Variants in NAALADL2 observed in about 807,000 individuals in gnomAD.
The protein encoded by NAALADL2 is inactive N-acetylated-alpha-linked acidic dipeptidase-like protein 2.
Under a neutral mutation model 87.2 loss-of-function variants are expected in NAALADL2, and 76 were observed. The observed-to-expected ratio is 0.87, with a 90% CI of 0.72 to 1.05. The LOEUF is 1.05. Among genes scored for constraint, NAALADL2 ranks in the 50% least tolerant of loss-of-function variants. The pLI is 0.00. For synonymous variants in NAALADL2, 354 were observed against 331.0 expected (o/e 1.07, Z -0.75); for missense variants, 1,089 against 945.8 (o/e 1.15, Z -1.99).
Position 175,667,246 on chromosome 3 carries a change from AAAGAAAGAAAGAAAGAAAGG to A in NAALADL2, c.1896+39864_1896+39883del, listed in dbSNP as rs1560943781. ...AAGAAAGAAAGAAAGAAAGAAAAAG[AAAGAAAGAAAGAAAGAAAGG>A]AAGGAAGGGATGGGGATCTGAAGGG... On this transcript the variant is annotated intron_variant, in intron 11 of 13. Coordinates refer to ENST00000454872, the MANE Select transcript of NAALADL2 (RefSeq NM_207015.3). Among the ~76,000 whole-genome samples, 80 of 142,164 alleles carry A rather than the reference AAAGAAAGAAAGAAAGAAAGG, an allele frequency of 5.6e-4. 1 individual carries two copies. The highest frequency in any genetic ancestry group is 2.1e-3 in the African/African-American group (75 of 35,722). The allele number at this position is 142,164 out of a possible 152,430, so 93.3% of individuals were successfully genotyped here. A position where few individuals can be genotyped will look rare whatever the true frequency, so the allele number is the denominator to read the frequency against.
chr3:175,192,171 A>T (rs905282255), intron 2 of NAALADL2, among the ~76,000 whole-genome samples: 5 of 152,084 alleles, frequency 3.3e-5, no homozygotes, highest in Admixed American at 6.5e-5. Context: ...TTGTTGCAAG[A>T]TGTACTTCAT....
At chr3:175,184,634 G>A (rs998008518) in intron 2 of NAALADL2, among the ~76,000 whole-genome samples, 2 of 151,900 alleles carry the variant, frequency 1.3e-5, no homozygotes, top group Non-Finnish European at 2.9e-5. Context: ...CCTCTTTGTA[G>A]TGCTTTATAG....
Position 174,786,344 on chromosome 3 carries a change from G to C in NAALADL2, c.-9+48598G>C, listed in dbSNP as rs191477938. ...CATGCGCTTGTAGTCCCCGATACTC[G>C]GGAGGCTGAGGTAGGAGATGTGCTT... On this transcript the variant is annotated intron_variant, in intron 3 of 3. Transcript: ENST00000434257. Among the ~76,000 whole-genome samples, 112 of 151,554 alleles carry C rather than the reference G, an allele frequency of 7.4e-4. No homozygotes were observed. In the South Asian group the frequency reaches 7.7e-3, roughly 10 times the overall value.
rs114321073 is a variant in NAALADL2, at chr3:174,528,648, G to A, written c.-183-21921G>A. Among the ~76,000 whole-genome samples the A allele has an allele frequency of 4.0e-3, 614 of 152,182 alleles. 5 individuals are homozygous for A. The highest frequency in any genetic ancestry group is 0.014 in the African/African-American group (585 of 41,506). ...CTGATAAAGACATTCCTGACACTGC[G>A]CAATTTACAAAAGAAAGAGGTTTAT... On this transcript the variant is annotated intron_variant, in intron 1 of 3. Coordinates refer to the NAALADL2 transcript ENST00000434257.
intron 4 of NAALADL2, among the ~76,000 whole-genome samples, chr3:175,323,581 T>C (rs2110426221): frequency 6.8e-6 from 1 of 148,012 alleles, no homozygotes; most frequent in Non-Finnish European, 1.5e-5. Flanking sequence ...AATCAGAGAG[T>C]GAGGAATTCC....
chr3:175,034,177 C>T (rs1444008145), intron 1 of NAALADL2, among the ~76,000 whole-genome samples: 1 of 152,122 alleles, frequency 6.6e-6, no homozygotes, highest in Non-Finnish European at 1.5e-5. Context: ...ACCTTTGACA[C>T]TCCATTTAAT....
intron 3 of NAALADL2, among the ~76,000 whole-genome samples, chr3:174,823,513 G>A (rs748811704): frequency 1.1e-4 from 17 of 151,746 alleles, no homozygotes; most frequent in Non-Finnish European, 2.4e-4. Context: ...AAATAACTAG[G>A]AATGCATTGG....
chr3:175,237,897 C>T (rs574802488), intron 3 of NAALADL2, among the ~76,000 whole-genome samples: 5 of 152,162 alleles, frequency 3.3e-5, no homozygotes, highest in South Asian at 2.1e-4. Flanking sequence ...AGGCAATGCA[C>T]GCCTATGTCT....
intron 2 of NAALADL2, among the ~76,000 whole-genome samples, chr3:174,713,714 G>A (rs1730908541): frequency 6.6e-6 from 1 of 151,766 alleles, no homozygotes; most frequent in African/African-American, 2.4e-5. Flanking sequence ...TTTGTCAGAT[G>A]AGTAGATTGC....
rs373808046 is a variant in NAALADL2, at chr3:174,692,610, A to C, written c.-114-45031A>C. ...TTTGGCTTAGGGCCACTATGGATATATTTCTGAGATACTAAGGGTACCACC... is the reference window on the plus strand; with the variant it reads ...TTTGGCTTAGGGCCACTATGGATATCTTTCTGAGATACTAAGGGTACCACC... On this transcript the variant is annotated intron_variant, in intron 2 of 3. Coordinates refer to the NAALADL2 transcript ENST00000434257. Among the ~76,000 whole-genome samples the C allele has an allele frequency of 8.7e-4, 132 of 152,200 alleles. 2 individuals carry two copies. Among genetic ancestry groups the C allele is most frequent in the African/African-American group, 3.1e-3 (127 of 41,552 alleles).
At chr3:174,506,472 C>T (rs968526298) in intron 1 of NAALADL2, among the ~76,000 whole-genome samples, 1 of 152,074 alleles carries the variant, frequency 6.6e-6, no homozygotes. Context: ...TGAACCACTA[C>T]CTCCGGTCTA....
intron 11 of NAALADL2, among the ~76,000 whole-genome samples, chr3:175,659,610 A>G (rs1582804980): frequency 6.6e-6 from 1 of 152,212 alleles, no homozygotes; most frequent in East Asian, 1.9e-4. Flanking sequence ...CAATTTTAAA[A>G]AAGAAAACAT....
chr3:175,003,798 G>A (rs1484604231), intron 1 of NAALADL2, among the ~76,000 whole-genome samples: 1 of 152,218 alleles, frequency 6.6e-6, no homozygotes, highest in Non-Finnish European at 1.5e-5. Flanking sequence ...CACTGCAGAA[G>A]AAGTGCCTAT....
At chr3:174,792,666 A>G (rs1368992293) in intron 3 of NAALADL2, among the ~76,000 whole-genome samples, 1 of 152,168 alleles carries the variant, frequency 6.6e-6, no homozygotes, top group Non-Finnish European at 1.5e-5. Flanking sequence ...ACCCCTGCTC[A>G]ACAACTTTAT....
chr3:174,679,551 C>T (rs906127686), intron 2 of NAALADL2, among the ~76,000 whole-genome samples: 21 of 152,110 alleles, frequency 1.4e-4, no homozygotes, highest in African/African-American at 3.4e-4. Flanking sequence ...TTGCTACTGT[C>T]GTGGGATCTT....
intron 1 of NAALADL2, among the ~76,000 whole-genome samples, chr3:174,507,091 A>C (rs1431244429): frequency 6.6e-6 from 1 of 152,028 alleles, no homozygotes; most frequent in Non-Finnish European, 1.5e-5. Context: ...TAAAGTTATA[A>C]GATTAATTAT....
At chr3:175,071,379 A>G (rs1176485418) in intron 1 of NAALADL2, among the ~76,000 whole-genome samples, 1 of 152,104 alleles carries the variant, frequency 6.6e-6, no homozygotes, top group Admixed American at 6.6e-5. Flanking sequence ...AGGCTACTTT[A>G]CAAAGTTGTC....
chr3:174,495,355 C>T (rs575070482), intron 1 of NAALADL2, among the ~76,000 whole-genome samples: 75 of 151,368 alleles, frequency 5.0e-4, no homozygotes, highest in East Asian at 2.1e-3. Flanking sequence ...ATTTGTTAGA[C>T]GGCTTATATA....
At chr3:174,462,230 A>G (rs956391533) in intron 1 of NAALADL2, among the ~76,000 whole-genome samples, 8 of 152,154 alleles carry the variant, frequency 5.3e-5, no homozygotes, top group African/African-American at 1.9e-4. Flanking sequence ...CCACAAAGGT[A>G]TGGTTATTGG....
Sources: gnomAD v4.1 joint callset for allele counts (sites outside exome capture counted in the v4.1 genomes callset) on GRCh38, gnomAD v4.1.1 for gene constraint, MANE v1.5 for transcripts, NCBI Gene and HGNC (gene_info 2026-07-23, HGNC 2026-07-21) for gene names.